MTHFS: variants seen among roughly 807,000 people sequenced by gnomAD.
The protein encoded by MTHFS is 5-formyltetrahydrofolate cyclo-ligase.
In MTHFS, 7 loss-of-function variants were observed where a neutral mutation model predicts 12.7. The observed-to-expected ratio is 0.55, with a 90% CI of 0.31 to 1.03. MTHFS has a LOEUF of 1.03. MTHFS is among the 50% of genes least tolerant of loss of function. The pLI, the probability that MTHFS is intolerant of heterozygous loss-of-function variation, is 0.05. For missense variants in MTHFS, 252 were observed against 258.1 expected, an observed-to-expected ratio of 0.98 and a Z score of 0.16; for synonymous variants, 100 against 97.1, an observed-to-expected ratio of 1.03 and a Z score of -0.18.
intron 2 of MTHFS, among the ~76,000 whole-genome samples, chr15:79,859,899 C>T (rs1164247490): frequency 6.7e-6 from 1 of 148,176 alleles, no homozygotes; most frequent in Admixed American, 6.7e-5. Context: ...AGGATTAAGA[C>T]TTTAATATTT....
intron 2 of MTHFS, among the ~76,000 whole-genome samples, chr15:79,859,480 T>A (rs889103225): frequency 3.3e-5 from 5 of 152,180 alleles, no homozygotes; most frequent in African/African-American, 7.2e-5. Flanking sequence ...AAGGGTAGAT[T>A]ACTCATTAAA....
chr15:79,879,108 C>CA, intron 2 of MTHFS, among the ~76,000 whole-genome samples: 1 of 151,786 alleles, frequency 6.6e-6, no homozygotes, highest in East Asian at 1.9e-4. Flanking sequence ...AAATTTAACA[C>CA]AAAAAATTTT....
At chr15:79,895,230 T>C (rs2034547937) in intron 1 of MTHFS, among the ~76,000 whole-genome samples, 1 of 152,208 alleles carries the variant, frequency 6.6e-6, no homozygotes, top group South Asian at 2.1e-4. Context: ...TATCCTGTCA[T>C]CTCTTGCCTA....
intron 2 of MTHFS, among the ~76,000 whole-genome samples, chr15:79,883,481 G>A (rs1447881587): frequency 6.7e-6 from 1 of 149,182 alleles, no homozygotes; most frequent in African/African-American, 2.4e-5. Flanking sequence ...GAGTCTATCA[G>A]CAAAGAAAAG....
intron 2 of MTHFS, among the ~76,000 whole-genome samples, chr15:79,848,255 A>T (rs568630038): frequency 6.6e-6 from 1 of 152,374 alleles, no homozygotes; most frequent in South Asian, 2.1e-4. Flanking sequence ...CAAAAAGACA[A>T]ATACTTTATG....
At chr15:79,870,451 G>A (rs1357692549) in intron 2 of MTHFS, among the ~76,000 whole-genome samples, 1 of 151,962 alleles carries the variant, frequency 6.6e-6, no homozygotes, top group African/African-American at 2.4e-5. Context: ...AATTCTGGGT[G>A]GACAAAAGAA....
At chr15:79,847,195 G>A (rs1177961117) in intron 2 of MTHFS, among the ~76,000 whole-genome samples, 1 of 152,138 alleles carries the variant, frequency 6.6e-6, no homozygotes, top group African/African-American at 2.4e-5. Flanking sequence ...CAAAAGAAAG[G>A]TGGCAAGAGC....
intron 2 of MTHFS, among the ~76,000 whole-genome samples, chr15:79,849,400 C>T (rs1460426988): frequency 1.3e-5 from 2 of 152,146 alleles, no homozygotes; most frequent in Non-Finnish European, 2.9e-5. Context: ...CCCACACACA[C>T]CCCTGGGGCT....
At chr15:79,871,708 C>T (rs2034108746) in intron 2 of MTHFS, among the ~76,000 whole-genome samples, 2 of 151,914 alleles carry the variant, frequency 1.3e-5, no homozygotes, top group South Asian at 4.1e-4. Flanking sequence ...CTTTTAAGTA[C>T]TACCAAGGAA....
At chr15:79,877,234 A>C (rs1018529641) in intron 2 of MTHFS, 1 of 152,094 alleles carries the variant, frequency 6.6e-6, no homozygotes, top group Non-Finnish European at 1.5e-5. Context: ...GGACAATATC[A>C]AGAATACCAA....
chr15:79,895,910 C>T (rs1380002310), intron 1 of MTHFS, among the ~76,000 whole-genome samples: 1 of 152,198 alleles, frequency 6.6e-6, no homozygotes, highest in Non-Finnish European at 1.5e-5. Context: ...GTTTGACTTA[C>T]AACAGAATTA....
chr15:79,886,444 A>G (rs1216624329), intron 2 of MTHFS, among the ~76,000 whole-genome samples: 2 of 152,140 alleles, frequency 1.3e-5, no homozygotes, highest in African/African-American at 4.8e-5. Context: ...CTGTGGGTAT[A>G]ATCCTCTATC....
At chr15:79,847,205 CTGAG>C (rs1399662193) in intron 2 of MTHFS, among the ~76,000 whole-genome samples, 4 of 152,146 alleles carry the variant, frequency 2.6e-5, no homozygotes, top group African/African-American at 9.6e-5. Flanking sequence ...GTGGCAAGAG[CTGAG>C]TGAGGGAGTA....
At chr15:79,868,525 C>T (rs2034050139) in intron 2 of MTHFS, among the ~76,000 whole-genome samples, 1 of 152,160 alleles carries the variant, frequency 6.6e-6, no homozygotes, top group South Asian at 2.1e-4. Context: ...AATATTATTT[C>T]TATGTGTGTC....
intron 2 of MTHFS, among the ~76,000 whole-genome samples, chr15:79,872,254 C>A (rs969427356): frequency 3.9e-5 from 6 of 152,082 alleles, no homozygotes; most frequent in Non-Finnish European, 8.8e-5. Flanking sequence ...TTACAGAGAT[C>A]ATTAAGCACA....
At chr15:79,896,005 T>C (rs2034561167) in intron 1 of MTHFS, among the ~76,000 whole-genome samples, 1 of 152,228 alleles carries the variant, frequency 6.6e-6, no homozygotes, top group Non-Finnish European at 1.5e-5. Context: ...CTTTAGAACA[T>C]GCCTTCACAA....
rs142265912 is a variant in MTHFS at position 79,872,539 on chromosome 15, G to A, written c.379+16554C>T. On this transcript the variant is annotated intron_variant, in intron 2 of 2. Coordinates refer to ENST00000258874, the MANE Select transcript of MTHFS (RefSeq NM_006441.4). Reference sequence around the variant, plus strand: ...GGGCTAGCGCTCAGGCAGTAGCCCAGAGTCAGCAAGGCAGGGGCTCCTGGC... The same window carrying A: ...GGGCTAGCGCTCAGGCAGTAGCCCAAAGTCAGCAAGGCAGGGGCTCCTGGC... Among the ~76,000 whole-genome samples the A allele has an allele frequency of 3.1e-3, 468 of 152,352 alleles. 5 individuals are homozygous for A. The highest frequency in any genetic ancestry group is 0.011 in the African/African-American group (451 of 41,584).
intron 2 of MTHFS, among the ~76,000 whole-genome samples, chr15:79,846,229 C>G (rs2733103): frequency 2.0e-5 from 3 of 152,014 alleles, no homozygotes; most frequent in African/African-American, 7.2e-5. Context: ...TGAAGAACCT[C>G]CATGAGGGAA....
chr15:79,847,131 T>C (rs1209225860), intron 2 of MTHFS, among the ~76,000 whole-genome samples: 1 of 152,204 alleles, frequency 6.6e-6, no homozygotes, highest in South Asian at 2.1e-4. Context: ...AAAACTCAAC[T>C]TGACCTGGAT....
Sources: gnomAD v4.1 joint callset for allele counts (sites outside exome capture counted in the v4.1 genomes callset) on GRCh38, gnomAD v4.1.1 for gene constraint, MANE v1.5 for transcripts, NCBI Gene and HGNC (gene_info 2026-07-23, HGNC 2026-07-21) for gene names.